The following CTNNA2 variants were observed in gnomAD, a reference collection of about 807,000 sequenced individuals.
CTNNA2 encodes the protein catenin alpha 2, also known as catenin alpha-2.
A neutral mutation model predicts 101.0 loss-of-function variants in CTNNA2; 42 were observed. The observed-to-expected ratio is 0.42, with a 90% CI of 0.32 to 0.54. CTNNA2 has a LOEUF of 0.54. CTNNA2 is among the 20% of genes least tolerant of loss of function. CTNNA2 has a pLI of 0.14. For synonymous variants in CTNNA2, 450 were observed against 456.4 expected (o/e 0.99, Z 0.18); for missense variants, 871 against 1,223.1 (o/e 0.71, Z 4.29).
At chr2:79,834,312 C>T (rs1679148004) in intron 3 of CTNNA2, among the ~76,000 whole-genome samples, 1 of 151,668 alleles carries the variant, frequency 6.6e-6, no homozygotes, top group Non-Finnish European at 1.5e-5. Context: ...GTTGTATTCT[C>T]TAGTAGTGGA....
chr2:80,639,051 C>CT (rs70940091), intron 18 of CTNNA2, among the ~76,000 whole-genome samples: 60,234 of 152,074 alleles, frequency 0.4, 12,826 homozygotes, highest in East Asian at 0.48. Context: ...TAACAGACCT[C>CT]TTGTCCTCTT....
At position 80,595,782 on chromosome 2, in the gene CTNNA2, T is replaced by C. The variant is rs2149752399; in HGVS notation, c.2189+6297T>C. On this transcript the variant is annotated intron_variant, in intron 15 of 18. Transcript: ENST00000402739. ...GTTACTGTAGCTTTGTAGTTTAGTT[T>C]GAAGTCAGGTAGCATGATGCCTCCA... Among the ~76,000 whole-genome samples, 3 of 152,340 alleles carry C rather than the reference T, an allele frequency of 2.0e-5. No homozygotes were observed. In the South Asian group the frequency reaches 6.2e-4, roughly 32 times the overall value.
chr2:80,046,642 T>C (rs1020078026), intron 7 of CTNNA2, among the ~76,000 whole-genome samples: 5 of 152,288 alleles, frequency 3.3e-5, no homozygotes, highest in African/African-American at 1.2e-4. Context: ...TCAGAACCAC[T>C]CACCTCCAGG....
At chr2:80,253,079 T>G (rs1455528448) in intron 7 of CTNNA2, among the ~76,000 whole-genome samples, 2 of 152,112 alleles carry the variant, frequency 1.3e-5, no homozygotes, top group Admixed American at 1.3e-4. Context: ...CAAACTATAC[T>G]TTCACATCAC....
intron 3 of CTNNA2, among the ~76,000 whole-genome samples, chr2:79,763,131 T>C (rs1339361966): frequency 6.6e-6 from 1 of 152,216 alleles, no homozygotes; most frequent in African/African-American, 2.4e-5. Context: ...CTCTCCCCTT[T>C]TATCTTTCCT....
intron 2 of CTNNA2, among the ~76,000 whole-genome samples, chr2:79,695,169 C>T (rs1021034573): frequency 6.6e-6 from 1 of 151,432 alleles, no homozygotes; most frequent in Non-Finnish European, 1.5e-5. Flanking sequence ...TTTGGAAGGT[C>T]ATGGATTTAT....
intron 17 of CTNNA2, among the ~76,000 whole-genome samples, chr2:80,617,346 A>G (rs1030654548): frequency 4.0e-5 from 6 of 151,772 alleles, no homozygotes; most frequent in African/African-American, 7.2e-5. Context: ...CCAATATGTA[A>G]AAGTGGAGAG....
intron 7 of CTNNA2, among the ~76,000 whole-genome samples, chr2:79,913,282 C>T (rs1685941106): frequency 1.3e-5 from 2 of 152,136 alleles, no homozygotes; most frequent in Non-Finnish European, 2.9e-5. Flanking sequence ...AGTGAGGAAG[C>T]AAAGAGGCCT....
intron 9 of CTNNA2, among the ~76,000 whole-genome samples, chr2:80,541,579 C>G (rs537133853): frequency 6.6e-6 from 1 of 152,116 alleles, no homozygotes; most frequent in African/African-American, 2.4e-5. Flanking sequence ...TACTAGTTAG[C>G]GTTTCCTTCT....
chr2:79,870,329 C>G (rs1682485652), intron 5 of CTNNA2, among the ~76,000 whole-genome samples: 1 of 152,124 alleles, frequency 6.6e-6, no homozygotes, highest in Non-Finnish European at 1.5e-5. Context: ...GTGAACACCA[C>G]CACACATATA....
At chr2:80,350,189 A>C (rs1274533461) in intron 7 of CTNNA2, among the ~76,000 whole-genome samples, 1 of 152,100 alleles carries the variant, frequency 6.6e-6, no homozygotes, top group Admixed American at 6.6e-5. Flanking sequence ...TTTCAGTATG[A>C]GGGAATGCTG....
At chr2:80,353,979 G>A (rs1237492596) in intron 7 of CTNNA2, among the ~76,000 whole-genome samples, 2 of 152,088 alleles carry the variant, frequency 1.3e-5, no homozygotes, top group African/African-American at 4.8e-5. Flanking sequence ...GGTTTCAGGA[G>A]GTATGTTAAT....
chr2:80,183,834 T>C (rs539112403), intron 7 of CTNNA2, among the ~76,000 whole-genome samples: 5 of 152,246 alleles, frequency 3.3e-5, no homozygotes, highest in South Asian at 4.1e-4. Context: ...ACTTCATGTT[T>C]GTTTTCGATT....
At chr2:79,743,389 A>G (rs1387606447) in intron 2 of CTNNA2, among the ~76,000 whole-genome samples, 1 of 152,162 alleles carries the variant, frequency 6.6e-6, no homozygotes, top group Non-Finnish European at 1.5e-5. Flanking sequence ...CAGTTGAGAT[A>G]GGTGTCCAAA....
At chr2:79,191,807 C>T (rs1033155820) in intron 1 of CTNNA2, among the ~76,000 whole-genome samples, 3 of 152,134 alleles carry the variant, frequency 2.0e-5, no homozygotes, top group Non-Finnish European at 2.9e-5. Flanking sequence ...GGTAAGCAAA[C>T]ATGTTATGTC....
chr2:79,607,771 CACTT>C (rs1158524881), intron 1 of CTNNA2, among the ~76,000 whole-genome samples: 1 of 151,916 alleles, frequency 6.6e-6, no homozygotes, highest in Non-Finnish European at 1.5e-5. Flanking sequence ...TCTGAAATTG[CACTT>C]AGAAGGGCAA....
intron 7 of CTNNA2, among the ~76,000 whole-genome samples, chr2:80,376,836 A>T (rs1265904302): frequency 6.6e-6 from 1 of 152,156 alleles, no homozygotes; most frequent in East Asian, 1.9e-4. Flanking sequence ...ACTGAAATAG[A>T]ATCCACTCTT....
At chr2:79,762,220 C>CT (rs57360752) in intron 3 of CTNNA2, among the ~76,000 whole-genome samples, 1,833 of 152,300 alleles carry the variant, frequency 0.012, 40 homozygotes, top group African/African-American at 0.039. Flanking sequence ...ACTGAATCCA[C>CT]TGCCCAATGT....
At chr2:79,648,467 T>G (rs1193429509) in intron 1 of CTNNA2, among the ~76,000 whole-genome samples, 2 of 152,168 alleles carry the variant, frequency 1.3e-5, no homozygotes, top group African/African-American at 4.8e-5. Flanking sequence ...TTAAGGAAAA[T>G]GTTCCTACTA....
Sources: gnomAD v4.1 joint callset for allele counts (sites outside exome capture counted in the v4.1 genomes callset) on GRCh38, gnomAD v4.1.1 for gene constraint, MANE v1.5 for transcripts, NCBI Gene and HGNC (gene_info 2026-07-23, HGNC 2026-07-21) for gene names.